GPR135: variants seen among roughly 807,000 people sequenced by gnomAD.
The protein encoded by GPR135 is G-protein coupled receptor 135.
In GPR135, 17 loss-of-function variants were observed where a neutral mutation model predicts 15.0. The ratio of observed to expected loss-of-function variants is 1.13; its 90% CI spans 0.78 to 1.70. GPR135 has a LOEUF of 1.70. Among genes scored for constraint, GPR135 ranks in the 40% most tolerant of loss-of-function variants. GPR135 has a pLI of 0.00. For synonymous variants in GPR135, 368 were observed against 349.4 expected (o/e 1.05, Z -0.59); for missense variants, 776 against 727.0 (o/e 1.07, Z -0.78).
intron 6 of GPR135, among the ~76,000 whole-genome samples, chr14:59,453,546 AG>A (rs1350642989): frequency 2.0e-5 from 3 of 152,248 alleles, no homozygotes; most frequent in Admixed American, 6.5e-5. Flanking sequence ...CAGAGACCAT[AG>A]GAATAGACAT....
intron 6 of GPR135, among the ~76,000 whole-genome samples, chr14:59,453,994 G>C (rs942169784): frequency 6.6e-6 from 1 of 152,168 alleles, no homozygotes; most frequent in Non-Finnish European, 1.5e-5. Context: ...CAAAAGGGAA[G>C]TGGGGCCAAC....
At position 59,463,884 on chromosome 14, in the gene GPR135, T is replaced by C; in HGVS notation, c.1343A>G (p.Asn448Ser). The C allele has an allele frequency of 1.9e-6, 3 of 1,614,112 alleles. No homozygotes were observed. The highest frequency in any genetic ancestry group is 2.7e-5 in the African/African-American group (2 of 75,072). ...LGACNRMSSS[N>S]PASGVAGDVA... ...GTCCCCTGCCACTCCGCTGGCCGGG[T>C]TGGAAGAGGACATCCTGTTGCAGGC... Residue 448 changes from asparagine (N) to serine (S), a missense_variant, in exon 1 of 1, where the codon AAC becomes AGC. Physicochemically the swap from Asn to Ser is conservative, Grantham distance 46 (BLOSUM62 1). Transcript: ENST00000395116.
Position 59,465,323 on chromosome 14 carries a change from G to A in GPR135, c.-97C>T. ...TCGGGGCCGGGGGCTAGCGGCCGCCGCGGGGAGCTGGGCTCGGCCGGAGGG... is the reference window on the plus strand; with the variant it reads ...TCGGGGCCGGGGGCTAGCGGCCGCCACGGGGAGCTGGGCTCGGCCGGAGGG... On this transcript the variant is annotated 5_prime_UTR_variant, in exon 1 of 1. Transcript: ENST00000395116. The A allele has an allele frequency of 1.1e-6, 1 of 942,068 alleles. No individual in the cohort carries two copies. Among genetic ancestry groups the A allele is most frequent in the Non-Finnish European group, 1.4e-6 (1 of 729,866 alleles). 58.4% of individuals were successfully genotyped at this position (942,068 alleles called of 1,614,324 possible). A position where few individuals can be genotyped will look rare whatever the true frequency, so the allele number is the denominator to read the frequency against.
intron 6 of GPR135, among the ~76,000 whole-genome samples, chr14:59,453,495 C>A (rs1452843485): frequency 6.6e-6 from 1 of 152,216 alleles, no homozygotes; most frequent in African/African-American, 2.4e-5. Flanking sequence ...CTGTTCTTGG[C>A]AGAGCTACTT....
chr14:59,463,714 C>T lies in GPR135; in HGVS notation c.*28G>A, dbSNP rs762512347. 4 of 1,525,168 alleles carry T rather than the reference C, an allele frequency of 2.6e-6. No homozygotes were observed. Among genetic ancestry groups the T allele is most frequent in the African/African-American group, 2.8e-5 (2 of 72,060 alleles). The allele number at this position is 1,525,168 out of a possible 1,614,324, so 94.5% of individuals were successfully genotyped here. ...ATTAAATAATGCGAGTGGAAATTTG[C>T]CTTCATAAGCTGGCCATTCCAACCG... On this transcript the variant is annotated 3_prime_UTR_variant, in exon 1 of 1. Coordinates refer to ENST00000395116, the MANE Select transcript of GPR135 (RefSeq NM_022571.6).
At chr14:59,455,057 A>G (rs903725436) in intron 6 of GPR135, among the ~76,000 whole-genome samples, 14 of 151,836 alleles carry the variant, frequency 9.2e-5, no homozygotes, top group African/African-American at 3.4e-4. Context: ...CCAAGATCGC[A>G]CCACTGCACT....
rs751362794 is a variant in GPR135 at position 59,464,263 on chromosome 14, G to A, written c.964C>T (p.Arg322Cys). 30 of 1,612,002 alleles carry A rather than the reference G, an allele frequency of 1.9e-5. No individual in the cohort carries two copies. The highest frequency in any genetic ancestry group is 2.2e-5 in the Non-Finnish European group (26 of 1,179,900). The change falls in exon 1 of 1, where the codon CGC becomes TGC. Residue 322 changes from arginine (R) to cysteine (C), a missense_variant. Arg to Cys is a radical substitution (Grantham distance 180, BLOSUM62 -3). Transcript: ENST00000395116. ...GCCGTGCGCACCTCGCTGAAGAAGCGCAGCACGCGCGCGTAGGTGTTCACC... is the reference window on the plus strand; with the variant it reads ...GCCGTGCGCACCTCGCTGAAGAAGCACAGCACGCGCGCGTAGGTGTTCACC... ...RPVNTYARVLRFFSEVRTATT... is the reference protein window; with the variant it reads ...RPVNTYARVLCFFSEVRTATT...
At chr14:59,452,903 G>A (rs953012143) in intron 6 of GPR135, among the ~76,000 whole-genome samples, 4 of 152,092 alleles carry the variant, frequency 2.6e-5, no homozygotes, top group Non-Finnish European at 5.9e-5. Context: ...GCACTAAAAG[G>A]AAATGAGCTA....
intron 6 of GPR135, among the ~76,000 whole-genome samples, chr14:59,455,040 C>G: frequency 6.6e-6 from 1 of 151,448 alleles, no homozygotes; most frequent in East Asian, 1.9e-4. Context: ...GCGGAGATTG[C>G]GGTGAGCCAA....
At position 59,465,205 on chromosome 14, in the gene GPR135, G is replaced by C; in HGVS notation, c.22C>G (p.Arg8Gly). 2 of 1,252,686 alleles carry C rather than the reference G, an allele frequency of 1.6e-6. No homozygotes were observed. The highest frequency in any genetic ancestry group is 2.0e-6 in the Non-Finnish European group (2 of 1,000,580). 77.6% of individuals were successfully genotyped at this position (1,252,686 alleles called of 1,614,324 possible). A position where few individuals can be genotyped will look rare whatever the true frequency, so the allele number is the denominator to read the frequency against. Residue 8 changes from arginine (R) to glycine (G), a missense_variant, in exon 1 of 1, where the codon CGC (arginine) becomes GGC (glycine). Coordinates refer to ENST00000395116, the MANE Select transcript of GPR135 (RefSeq NM_022571.6). MEEPQPP[R>G]PPASMALLGS... Reference sequence around the variant, plus strand: ...AGTAAGGCCATGCTCGCTGGTGGGCGGGGCGGCTGCGGCTCCTCCATGGGG... The same window carrying C: ...AGTAAGGCCATGCTCGCTGGTGGGCCGGGCGGCTGCGGCTCCTCCATGGGG...
At chr14:59,452,800 T>C (rs1043778542) in intron 6 of GPR135, among the ~76,000 whole-genome samples, 6 of 152,212 alleles carry the variant, frequency 3.9e-5, no homozygotes, top group Non-Finnish European at 8.8e-5. Flanking sequence ...ATAGCAGCTT[T>C]ATTAATAACT....
chr14:59,456,538 C>T (rs1464242492), downstream of GPR135: 1 of 152,160 alleles, frequency 6.6e-6, no homozygotes, highest in Non-Finnish European at 1.5e-5. Flanking sequence ...AGTGAAAAAT[C>T]GTACAACCTA....
rs1888984667 is a variant in GPR135, at chr14:59,464,081, G to C, written c.1146C>G (p.Ile382Met). The change falls in exon 1 of 1, where the codon ATC becomes ATG. Residue 382 changes from isoleucine to methionine, a missense_variant. Physicochemically the swap from Ile to Met is conservative, Grantham distance 10. Transcript: ENST00000395116. ...AVWLTWANGA[I>M]NPVIYAIRNP... is the part of the protein sequence containing the mutation. The stretch of plus-strand genomic sequence containing the variant: ...TGCGGATGGCGTAGATGACAGGGTT[G>C]ATGGCCCCATTGGCCCAGGTCAGCC... 2 of 1,612,912 alleles carry C rather than the reference G, an allele frequency of 1.2e-6. No individual in the cohort carries two copies. The highest frequency in any genetic ancestry group is 1.7e-6 in the Non-Finnish European group (2 of 1,180,016).
rs1304221894 is a variant in GPR135, at chr14:59,464,119, C to T, written c.1108G>A (p.Val370Met). Residue 370 changes from valine to methionine, a missense_variant, in exon 1 of 1, where the codon GTG becomes ATG. By Grantham distance (21) the Val-to-Met change is conservative. Coordinates refer to ENST00000395116, the MANE Select transcript of GPR135 (RefSeq NM_022571.6). ...QTMQAPSLLS[V>M]VAVWLTWANG... ...GCCCAGGTCAGCCAGACGGCCACCA[C>T]GCTGAGGAGCGAGGGGGCCTGCATG... The T allele has an allele frequency of 6.2e-7, 1 of 1,610,922 alleles. No individual in the cohort carries two copies.
rs184361220 is a variant in GPR135 at position 59,454,914 on chromosome 14, A to G, written c.*874+770T>C. On this transcript the variant is annotated intron_variant and NMD_transcript_variant, in intron 6 of 6. Coordinates refer to the GPR135 transcript ENST00000481661. ...CAGGAGATTGACACCATCCTGGCCA[A>G]CATGGTGAAACCCCATCTCTACTAA... Among the ~76,000 whole-genome samples the G allele has an allele frequency of 1.3e-4, 20 of 152,232 alleles. No individual in the cohort carries two copies. In the East Asian group the frequency reaches 3.1e-3, roughly 24 times the overall value.
Position 59,464,409 on chromosome 14 carries a change from A to G in GPR135, c.818T>C (p.Leu273Pro). The G allele has an allele frequency of 6.3e-7, 1 of 1,594,648 alleles. No homozygotes were observed. Among genetic ancestry groups the G allele is most frequent in the Non-Finnish European group, 8.5e-7 (1 of 1,171,918 alleles). The change falls in exon 1 of 1, where the codon CTG becomes CCG. Residue 273 changes from leucine to proline, a missense_variant. Transcript: ENST00000395116. ...CAGCCCCACGCTGAAGGCCGCGCCC[A>G]GCTGCGCGGGGTCCGGGGAGGTCCG... Reference protein sequence around the residue: ...LYRTSPDPAQLGAAFSVGLVV... With the variant: ...LYRTSPDPAQPGAAFSVGLVV...
chr14:59,453,582 A>G (rs1888559319), intron 6 of GPR135, among the ~76,000 whole-genome samples: 3 of 152,218 alleles, frequency 2.0e-5, no homozygotes, highest in Admixed American at 1.3e-4. Flanking sequence ...GTGGAAGACC[A>G]ACTGGGAACT....
chr14:59,454,716 A>C (rs1888596397), intron 6 of GPR135, among the ~76,000 whole-genome samples: 1 of 152,182 alleles, frequency 6.6e-6, no homozygotes, highest in Non-Finnish European at 1.5e-5. Context: ...CAAGATAATA[A>C]GTCCAAGAGA....
chr14:59,457,081 A>G (rs1184775824), downstream of GPR135, among the ~76,000 whole-genome samples: 1 of 152,206 alleles, frequency 6.6e-6, no homozygotes, highest in East Asian at 1.9e-4. Flanking sequence ...GGCTAAATAT[A>G]GGATTCTTGG....
Sources: allele counts gnomAD v4.1 joint callset (sites outside exome capture counted in the v4.1 genomes callset), GRCh38; gene constraint gnomAD v4.1.1; transcripts MANE v1.5; gene names NCBI Gene and HGNC (gene_info 2026-07-23, HGNC 2026-07-21).